BTBD10: variants seen among roughly 807,000 people sequenced by gnomAD.
BTBD10 encodes the protein BTB domain containing 10.
In BTBD10, 21 loss-of-function variants were observed where a neutral mutation model predicts 53.2. The observed-to-expected ratio is 0.39, with a 90% CI of 0.28 to 0.57. The LOEUF (loss-of-function observed/expected upper bound fraction) is 0.57. Ranked by LOEUF, BTBD10 falls within the 20% of genes least tolerant of loss-of-function variation. The pLI is 0.53. For missense variants in BTBD10, 360 were observed against 594.7 expected (o/e 0.61, Z 4.10); for synonymous variants, 149 against 192.7 (o/e 0.77, Z 1.88).
At chr11:13,444,973 A>C (rs1051398502) in intron 2 of BTBD10, 51 bp downstream of exon 2, 1 of 1,417,124 alleles carries the variant, frequency 7.1e-7, no homozygotes, top group Non-Finnish European at 9.9e-7. Context: ...TATTCTTTAC[A>C]ATCAGTTTTT....
At chr11:13,434,340 T>C (rs1407174055) in intron 2 of BTBD10, among the ~76,000 whole-genome samples, 1 of 152,126 alleles carries the variant, frequency 6.6e-6, no homozygotes, top group Admixed American at 6.6e-5. Context: ...CTTTGAATGG[T>C]CAAAGTAGAA....
intron 1 of BTBD10, among the ~76,000 whole-genome samples, chr11:13,452,391 C>T (rs763361002): frequency 2.9e-4 from 44 of 152,066 alleles, no homozygotes; most frequent in Non-Finnish European, 1.2e-4. Context: ...TGGTAAACAC[C>T]TGTATGCTTT....
chr11:13,417,331 A>G, intron 4 of BTBD10, 71 bp from the exon 5 acceptor site: 1 of 1,132,678 alleles, frequency 8.8e-7, no homozygotes, highest in Non-Finnish European at 1.2e-6. Context: ...GATTTCATGT[A>G]CAAAAGAAAA....
At chr11:13,459,415 A>G (rs1951043596) in intron 1 of BTBD10, among the ~76,000 whole-genome samples, 1 of 152,002 alleles carries the variant, frequency 6.6e-6, no homozygotes, top group Non-Finnish European at 1.5e-5. Flanking sequence ...CTCAAAGTAA[A>G]CCCGAGCAAG....
At chr11:13,395,293 G>T (rs1949514071) in intron 8 of BTBD10, among the ~76,000 whole-genome samples, 1 of 152,164 alleles carries the variant, frequency 6.6e-6, no homozygotes, top group Non-Finnish European at 1.5e-5. Flanking sequence ...CTGATGGCCA[G>T]TGATGATGAG....
chr11:13,427,234 A>AATAATG (rs1276708318), intron 2 of BTBD10, among the ~76,000 whole-genome samples: 7 of 151,976 alleles, frequency 4.6e-5, no homozygotes, highest in Non-Finnish European at 1.0e-4. Flanking sequence ...TAATAATAAT[A>AATAATG]ATAAGCCAGG....
intron 2 of BTBD10, chr11:13,440,144 T>C (rs1217909350): frequency 1.3e-6 from 2 of 1,501,276 alleles, no homozygotes; most frequent in South Asian, 1.2e-5. Context: ...TGTGTAATAA[T>C]GCTGTTGCAA....
At chr11:13,442,730 A>G (rs977205202) in intron 2 of BTBD10, among the ~76,000 whole-genome samples, 3 of 152,160 alleles carry the variant, frequency 2.0e-5, no homozygotes, top group South Asian at 2.1e-4. Context: ...AAACTATTCC[A>G]TAACAGTGCA....
chr11:13,450,529 T>C lies in BTBD10; in HGVS notation c.-57-5348A>G, dbSNP rs564947774. Among the ~76,000 whole-genome samples the C allele has an allele frequency of 2.0e-4, 30 of 152,312 alleles. No homozygotes were observed. The South Asian group carries it at 5.8e-3, about 29-fold the overall frequency. On this transcript the variant is annotated intron_variant, in intron 1 of 8. Coordinates refer to ENST00000278174, the MANE Select transcript of BTBD10 (RefSeq NM_032320.7). Reference sequence around the variant, plus strand: ...AAACACAGAAAATGTATGATATGGATATAACCACCATGAAAATGTTTATAA... The same window carrying C: ...AAACACAGAAAATGTATGATATGGACATAACCACCATGAAAATGTTTATAA...
At chr11:13,455,756 C>G (rs1010712287) in intron 1 of BTBD10, among the ~76,000 whole-genome samples, 3 of 152,190 alleles carry the variant, frequency 2.0e-5, no homozygotes, top group African/African-American at 7.2e-5. Context: ...TCCTAAGAAG[C>G]AACACCCTTT....
rs59009336 is a variant in BTBD10, at chr11:13,389,434, C to CTT, written c.1118-295_1118-294dup. On this transcript the variant is annotated intron_variant, in intron 8 of 8. Transcript: ENST00000278174. Reference sequence around the variant, plus strand: ...AGATCTTGGTCTCTAGCTATGTATCCTTTTTTTTTTTTGACATGGAGTCTC... The same window carrying CTT: ...AGATCTTGGTCTCTAGCTATGTATCCTTTTTTTTTTTTTTGACATGGAGTCTC... Among the ~76,000 whole-genome samples the CTT allele has an allele frequency of 3.4e-3, 497 of 147,260 alleles. 1 individual carries two copies. Among genetic ancestry groups the CTT allele is most frequent in the Non-Finnish European group, 5.0e-3 (337 of 66,866 alleles).
intron 5 of BTBD10, among the ~76,000 whole-genome samples, chr11:13,415,275 C>T (rs1444606127): frequency 7.9e-5 from 12 of 152,190 alleles, no homozygotes; most frequent in Admixed American, 6.5e-4. Context: ...TGGTGACCAA[C>T]TCAGTATACC....
intron 1 of BTBD10, among the ~76,000 whole-genome samples, chr11:13,452,964 CTTGT>C (rs1950892376): frequency 6.6e-6 from 1 of 152,046 alleles, no homozygotes; most frequent in African/African-American, 2.4e-5. Context: ...TTGCTCAGCC[CTTGT>C]TTAATTATAC....
intron 2 of BTBD10, among the ~76,000 whole-genome samples, chr11:13,425,425 C>A (rs888878249): frequency 1.1e-4 from 16 of 151,834 alleles, no homozygotes; most frequent in Admixed American, 5.9e-4. Context: ...GGCATCCAAT[C>A]AAAAATTATC....
intron 2 of BTBD10, among the ~76,000 whole-genome samples, chr11:13,431,197 T>A (rs1317733604): frequency 6.6e-6 from 1 of 152,102 alleles, no homozygotes; most frequent in Non-Finnish European, 1.5e-5. Flanking sequence ...TTCCTTCTCT[T>A]ACCAATCTAC....
intron 7 of BTBD10, among the ~76,000 whole-genome samples, chr11:13,404,095 C>A (rs540006347): frequency 6.6e-6 from 1 of 152,084 alleles, no homozygotes; most frequent in Non-Finnish European, 1.5e-5. Context: ...AAAGAAAATA[C>A]GTATATAAAC....
At chr11:13,431,584 A>G (rs1201945629) in intron 2 of BTBD10, among the ~76,000 whole-genome samples, 5 of 152,234 alleles carry the variant, frequency 3.3e-5, no homozygotes, top group African/African-American at 1.2e-4. Flanking sequence ...GCTTTGAAGC[A>G]TAAGGTGAAT....
At chr11:13,422,095 TGA>T (rs1459734275) in intron 2 of BTBD10, among the ~76,000 whole-genome samples, 2 of 152,204 alleles carry the variant, frequency 1.3e-5, no homozygotes, top group Non-Finnish European at 2.9e-5. Context: ...AACTAACATA[TGA>T]GTTAGTAGAA....
intron 6 of BTBD10, 70 bp from the exon 7 acceptor site, chr11:13,405,926 T>A: frequency 1.4e-6 from 2 of 1,456,948 alleles, no homozygotes; most frequent in Non-Finnish European, 1.9e-6. Flanking sequence ...AAATATAGAC[T>A]CTTATAACAA....
Sources: allele counts gnomAD v4.1 joint callset (sites outside exome capture counted in the v4.1 genomes callset), GRCh38; gene constraint gnomAD v4.1.1; transcripts MANE v1.5; gene names NCBI Gene and HGNC (gene_info 2026-07-23, HGNC 2026-07-21).